Variants in KCNK2 observed in about 807,000 individuals in gnomAD.
KCNK2 encodes potassium channel subfamily K member 2.
Under a neutral mutation model 40.5 loss-of-function variants are expected in KCNK2, and 21 were observed. That is an observed-to-expected ratio of 0.52 (90% CI 0.37 to 0.75). The LOEUF (loss-of-function observed/expected upper bound fraction) is 0.75, where lower values mean the gene tolerates loss of function less well. Ranked by LOEUF, KCNK2 falls within the 30% of genes least tolerant of loss-of-function variation. The probability of loss-of-function intolerance (pLI) is 0.00; values close to 1 mark genes in which losing one functional copy is unlikely to be tolerated. For missense variants in KCNK2, 399 were observed against 531.6 expected (o/e 0.75, Z 2.45); for synonymous variants, 191 against 202.2 (o/e 0.94, Z 0.47).
At chr1:215,204,249 G>A (rs1665213670) in intron 6 of KCNK2, among the ~76,000 whole-genome samples, 1 of 151,104 alleles carries the variant, frequency 6.6e-6, no homozygotes, top group Non-Finnish European at 1.5e-5. Flanking sequence ...ATAAAAATGT[G>A]CAGGAAGATT....
intron 1 of KCNK2, among the ~76,000 whole-genome samples, chr1:215,021,575 TC>T (rs1571851955): frequency 7.8e-6 from 1 of 128,628 alleles, no homozygotes; most frequent in African/African-American, 3.2e-5. Context: ...AGACGGAATC[TC>T]GCTCTGTCGC....
chr1:215,165,543 A>G (rs984585103), intron 3 of KCNK2, among the ~76,000 whole-genome samples: 2 of 152,178 alleles, frequency 1.3e-5, no homozygotes, highest in African/African-American at 4.8e-5. Flanking sequence ...AAATATTATT[A>G]TTAATAGTGA....
intron 1 of KCNK2, among the ~76,000 whole-genome samples, chr1:215,037,903 T>G (rs1657440927): frequency 6.6e-6 from 1 of 151,912 alleles, no homozygotes; most frequent in Admixed American, 6.6e-5. Flanking sequence ...TGGTTATTTA[T>G]ATTTTCTCTC....
intron 3 of KCNK2, among the ~76,000 whole-genome samples, chr1:215,165,537 A>G (rs375369329): frequency 6.6e-6 from 1 of 152,168 alleles, no homozygotes; most frequent in Non-Finnish European, 1.5e-5. Flanking sequence ...TTCTACAAAT[A>G]TTATTATTAA....
intron 2 of KCNK2, among the ~76,000 whole-genome samples, chr1:215,121,084 A>C (rs574429936): frequency 6.6e-6 from 1 of 152,326 alleles, no homozygotes; most frequent in South Asian, 2.1e-4. Context: ...TGTTCAGTCC[A>C]ATAAGAGTTG....
At chr1:215,093,526 A>G (rs1207260229) in intron 2 of KCNK2, among the ~76,000 whole-genome samples, 2 of 113,484 alleles carry the variant, frequency 1.8e-5, no homozygotes, top group African/African-American at 3.6e-5. Context: ...GGATATATAT[A>G]ATATAGAATA....
At chr1:215,057,034 G>A (rs1427334742) in intron 1 of KCNK2, among the ~76,000 whole-genome samples, 2 of 152,138 alleles carry the variant, frequency 1.3e-5, no homozygotes, top group African/African-American at 4.8e-5. Flanking sequence ...GTGAGTTTGT[G>A]TAAGTTTATT....
intron 6 of KCNK2, among the ~76,000 whole-genome samples, chr1:215,198,248 A>C (rs1664947311): frequency 6.6e-6 from 1 of 152,158 alleles, no homozygotes; most frequent in South Asian, 2.1e-4. Flanking sequence ...CCCATGAGTC[A>C]AGGCTATGAC....
intron 5 of KCNK2, among the ~76,000 whole-genome samples, chr1:215,179,136 T>C (rs1018959344): frequency 6.6e-6 from 1 of 152,070 alleles, no homozygotes; most frequent in Non-Finnish European, 1.5e-5. Context: ...TTAATTTGTG[T>C]GCATAGAAAT....
intron 1 of KCNK2, among the ~76,000 whole-genome samples, chr1:215,013,176 G>A (rs1186160899): frequency 6.6e-6 from 1 of 151,998 alleles, no homozygotes; most frequent in African/African-American, 2.4e-5. Flanking sequence ...TGAGGTGTGG[G>A]TCAAGGTATG....
intron 3 of KCNK2, among the ~76,000 whole-genome samples, chr1:215,165,590 C>G (rs1325210745): frequency 1.3e-5 from 2 of 152,188 alleles, no homozygotes; most frequent in Admixed American, 6.6e-5. Context: ...ATATATTGAG[C>G]ACATATAGTA....
chr1:215,189,578 T>C (rs1441390269), intron 5 of KCNK2, among the ~76,000 whole-genome samples: 1 of 152,146 alleles, frequency 6.6e-6, no homozygotes, highest in African/African-American at 2.4e-5. Context: ...AATGCTAAAA[T>C]TTAAAATCCC....
chr1:215,152,170 G>A lies in KCNK2; in HGVS notation c.476-17029G>A, dbSNP rs1235426559. Among the ~76,000 whole-genome samples the A allele has an allele frequency of 6.6e-5, 10 of 151,594 alleles. No individual in the cohort carries two copies. The East Asian group carries it at 1.6e-3, about 24-fold the overall frequency. On this transcript the variant is annotated intron_variant, in intron 3 of 6. Transcript: ENST00000444842. ...TTATTTCAAGGCTTGTCTTGAATTTGTTCTACTCTCAGTGCCTAAATGCTG... is the reference window on the plus strand; with the variant it reads ...TTATTTCAAGGCTTGTCTTGAATTTATTCTACTCTCAGTGCCTAAATGCTG...
intron 1 of KCNK2, among the ~76,000 whole-genome samples, chr1:215,058,099 A>T (rs12066755): frequency 0.12 from 18,367 of 151,996 alleles, 1,226 homozygotes; most frequent in Middle Eastern, 0.25. Context: ...AACATGAGAA[A>T]TTTGTTTTTG....
chr1:215,165,143 C>T (rs1161528416), intron 3 of KCNK2, among the ~76,000 whole-genome samples: 3 of 152,090 alleles, frequency 2.0e-5, no homozygotes, highest in Non-Finnish European at 4.4e-5. Context: ...CTATTTTGGC[C>T]ACAGTTACTT....
At chr1:215,209,461 T>A (rs369145613) in intron 6 of KCNK2, among the ~76,000 whole-genome samples, 56 of 2,222 alleles carry the variant, frequency 0.025, no homozygotes, top group East Asian at 0.33. Flanking sequence ...TATTATATAT[T>A]ATATATAATA....
At chr1:215,034,812 A>G (rs1657329934) in intron 1 of KCNK2, among the ~76,000 whole-genome samples, 1 of 152,070 alleles carries the variant, frequency 6.6e-6, no homozygotes, top group South Asian at 2.1e-4. Flanking sequence ...GAATGTATGA[A>G]TGTTTACTAA....
At chr1:215,130,038 G>A (rs1231578401) in intron 3 of KCNK2, among the ~76,000 whole-genome samples, 1 of 152,152 alleles carries the variant, frequency 6.6e-6, no homozygotes, top group African/African-American at 2.4e-5. Context: ...TGCTAATGAG[G>A]TGACTACTGG....
intron 2 of KCNK2, among the ~76,000 whole-genome samples, chr1:215,112,258 C>G (rs560938348): frequency 6.0e-5 from 9 of 150,966 alleles, no homozygotes; most frequent in Admixed American, 5.3e-4. Context: ...AGGTGGAAGA[C>G]GGTAGTATTG....
Sources: allele counts gnomAD v4.1 joint callset (sites outside exome capture counted in the v4.1 genomes callset), GRCh38; gene constraint gnomAD v4.1.1; transcripts MANE v1.5; gene names NCBI Gene and HGNC (gene_info 2026-07-23, HGNC 2026-07-21).